SLC44A1: variants seen among roughly 807,000 people sequenced by gnomAD.
SLC44A1 encodes the protein solute carrier family 44 member 1, also known as choline transporter-like protein 1.
A neutral mutation model predicts 79.3 loss-of-function variants in SLC44A1; 26 were observed. The ratio of observed to expected loss-of-function variants is 0.33; its 90% CI spans 0.24 to 0.46. The LOEUF (loss-of-function observed/expected upper bound fraction) is 0.46, where lower values mean the gene tolerates loss of function less well. SLC44A1 is among the 20% of genes least tolerant of loss of function. The pLI is 1.00. For synonymous variants in SLC44A1, 263 were observed against 286.2 expected (o/e 0.92, Z 0.82); for missense variants, 688 against 798.1 (o/e 0.86, Z 1.66).
chr9:105,398,146 A>G (rs187782051), downstream of SLC44A1, among the ~76,000 whole-genome samples: 258 of 152,310 alleles, frequency 1.7e-3, 2 homozygotes, highest in African/African-American at 5.9e-3. Flanking sequence ...GTTTAGAAAA[A>G]TCAAGCTTTT....
chr9:105,368,952 C>T (rs879401907), intron 12 of SLC44A1, among the ~76,000 whole-genome samples: 3 of 152,106 alleles, frequency 2.0e-5, no homozygotes, highest in Non-Finnish European at 4.4e-5. Context: ...GCAGGAGAAT[C>T]GCTTGAACCT....
At chr9:105,297,095 G>A (rs1033668061) in intron 1 of SLC44A1, among the ~76,000 whole-genome samples, 6 of 152,150 alleles carry the variant, frequency 3.9e-5, no homozygotes, top group African/African-American at 1.4e-4. Context: ...TAGAGTCTTA[G>A]GGTAAGGTTT....
chr9:105,373,780 T>C (rs948811762), intron 12 of SLC44A1, among the ~76,000 whole-genome samples: 2 of 152,222 alleles, frequency 1.3e-5, no homozygotes, highest in African/African-American at 2.4e-5. Flanking sequence ...GAAACAGCTA[T>C]AGCCATTCAA....
intron 3 of SLC44A1, among the ~76,000 whole-genome samples, chr9:105,313,373 G>T (rs1284874926): frequency 6.6e-6 from 1 of 152,212 alleles, no homozygotes; most frequent in East Asian, 1.9e-4. Context: ...ACACATCTGT[G>T]ATCACTTTCT....
chr9:105,407,994 C>T (rs1044106961), intron 15 of SLC44A1, among the ~76,000 whole-genome samples: 2 of 152,020 alleles, frequency 1.3e-5, no homozygotes, highest in Non-Finnish European at 2.9e-5. Context: ...TGGTGAAACC[C>T]TGTCTATACT....
At chr9:105,342,603 C>G (rs548607175) in intron 4 of SLC44A1, among the ~76,000 whole-genome samples, 3 of 152,234 alleles carry the variant, frequency 2.0e-5, no homozygotes, top group African/African-American at 7.2e-5. Context: ...TCTCCTTTCT[C>G]TCTCCCCACT....
chr9:105,336,164 A>G (rs1396696225), intron 4 of SLC44A1, among the ~76,000 whole-genome samples: 2 of 138,768 alleles, frequency 1.4e-5, no homozygotes, highest in African/African-American at 6.4e-5. Context: ...GTGTGTGTGT[A>G]TCTCCCTGGT....
chr9:105,268,896 C>T (rs548260123), intron 1 of SLC44A1, among the ~76,000 whole-genome samples: 116 of 152,282 alleles, frequency 7.6e-4, no homozygotes, highest in Middle Eastern at 3.4e-3. Context: ...ATGTTGAATT[C>T]GCTTTTTCAA....
chr9:105,262,790 A>T (rs1358695909), intron 1 of SLC44A1, among the ~76,000 whole-genome samples: 1 of 152,214 alleles, frequency 6.6e-6, no homozygotes, highest in Non-Finnish European at 1.5e-5. Flanking sequence ...TCCTACCACT[A>T]CATCAGACCA....
intron 15 of SLC44A1, among the ~76,000 whole-genome samples, chr9:105,434,724 G>C (rs892155354): frequency 1.3e-5 from 2 of 152,176 alleles, no homozygotes; most frequent in African/African-American, 4.8e-5. Context: ...ATTATGCCGT[G>C]AGTTTTCATG....
chr9:105,355,629 A>G (rs762042048), intron 5 of SLC44A1, among the ~76,000 whole-genome samples: 9 of 152,218 alleles, frequency 5.9e-5, no homozygotes, highest in African/African-American at 9.6e-5. Flanking sequence ...GCTGCCTATT[A>G]TGCTGTTTGT....
intron 2 of SLC44A1, among the ~76,000 whole-genome samples, chr9:105,307,085 C>T (rs1187988928): frequency 6.6e-6 from 1 of 152,090 alleles, no homozygotes; most frequent in Non-Finnish European, 1.5e-5. Flanking sequence ...TCAAATTCAC[C>T]CCTAACAGCT....
chr9:105,420,836 GGGCAACAA>G (rs1829238457), intron 15 of SLC44A1, among the ~76,000 whole-genome samples: 1 of 142,146 alleles, frequency 7.0e-6, no homozygotes, highest in African/African-American at 2.7e-5. Context: ...ACTCCAGCCT[GGGCAACAA>G]GAGTGAAACT....
chr9:105,323,558 G>A (rs552445838), intron 3 of SLC44A1, among the ~76,000 whole-genome samples: 11 of 152,296 alleles, frequency 7.2e-5, no homozygotes, highest in Admixed American at 1.3e-4. Context: ...GCCTGGTATC[G>A]TGAACGTTAA....
intron 11 of SLC44A1, 94 bp downstream of exon 11, chr9:105,365,733 T>C: frequency 3.2e-6 from 4 of 1,266,274 alleles, no homozygotes; most frequent in Non-Finnish European, 4.5e-6. Flanking sequence ...AAATACAAAG[T>C]TGTGTTTTCT....
intron 12 of SLC44A1, among the ~76,000 whole-genome samples, chr9:105,370,965 CA>C (rs995177737): frequency 7.9e-5 from 12 of 152,132 alleles, no homozygotes; most frequent in Non-Finnish European, 1.5e-4. Context: ...TATTTTCTCC[CA>C]AAAACTTGTT....
intron 1 of SLC44A1, among the ~76,000 whole-genome samples, chr9:105,282,789 A>AC (rs1189111863): frequency 1.3e-5 from 2 of 150,914 alleles, no homozygotes; most frequent in African/African-American, 4.9e-5. Context: ...CTCGTGATCC[A>AC]CCCCCCTTGG....
At chr9:105,245,009 C>G (rs1437733217) in intron 1 of SLC44A1, 105 bp downstream of exon 1, 7 of 427,340 alleles carry the variant, frequency 1.6e-5, no homozygotes, top group African/African-American at 6.4e-5. Flanking sequence ...CCAGCCTCCC[C>G]TGAGCGCACC....
chr9:105,291,879 G>A (rs1830608022), intron 1 of SLC44A1, among the ~76,000 whole-genome samples: 1 of 152,174 alleles, frequency 6.6e-6, no homozygotes, highest in African/African-American at 2.4e-5. Flanking sequence ...AACCTTGTCA[G>A]AAGGATACTC....
Sources: allele counts gnomAD v4.1 joint callset (sites outside exome capture counted in the v4.1 genomes callset), GRCh38; gene constraint gnomAD v4.1.1; transcripts MANE v1.5; gene names NCBI Gene and HGNC (gene_info 2026-07-23, HGNC 2026-07-21).